CLIP1: variants seen among roughly 807,000 people sequenced by gnomAD.
CLIP1 encodes the protein CAP-Gly domain containing linker protein 1.
A neutral mutation model predicts 161.6 loss-of-function variants in CLIP1; 66 were observed. The observed-to-expected ratio is 0.41, with a 90% CI of 0.33 to 0.50. CLIP1 has a LOEUF of 0.50. CLIP1 is among the 20% of genes least tolerant of loss of function. CLIP1 has a pLI of 0.27. For missense variants in CLIP1, 1,376 were observed against 1,702.0 expected, an observed-to-expected ratio of 0.81 and a Z score of 3.37; for synonymous variants, 598 against 626.2, an observed-to-expected ratio of 0.96 and a Z score of 0.67.
intron 5 of CLIP1, among the ~76,000 whole-genome samples, chr12:122,358,401 TCCCCCTCTGCGAGAAACACCCAAG>T (rs1953603063): frequency 9.0e-6 from 1 of 110,792 alleles, no homozygotes; most frequent in Non-Finnish European, 1.8e-5. Flanking sequence ...CCCTGCCAAA[TCCCCCTCTGCGAGAAACACCCAAG>T]AATGAACAAT....
At chr12:122,345,192 T>C (rs1339921164) in intron 10 of CLIP1, among the ~76,000 whole-genome samples, 1 of 151,816 alleles carries the variant, frequency 6.6e-6, no homozygotes, top group Non-Finnish European at 1.5e-5. Flanking sequence ...TTTTTTTTTT[T>C]GAAACAGGGT....
intron 24 of CLIP1, chr12:122,275,137 A>G (rs1375472068): frequency 6.6e-6 from 1 of 151,504 alleles, no homozygotes; most frequent in Non-Finnish European, 1.5e-5. Flanking sequence ...GGCATGAGCC[A>G]CTGTACCCAG....
chr12:122,328,397 G>A lies in CLIP1; in HGVS notation c.2897C>T (p.Thr966Ile). 1 of 1,607,700 alleles carries A rather than the reference G, an allele frequency of 6.2e-7. No individual in the cohort carries two copies. Among genetic ancestry groups the A allele is most frequent in the Non-Finnish European group, 8.5e-7 (1 of 1,177,750 alleles). The change falls in exon 16 of 26, where the codon ACA becomes ATA. Residue 966 changes from threonine to isoleucine, a missense_variant. Transcript: ENST00000620786. ...RDVEELQLKL[T>I]KANENASFLQ... ...AAAACTTGCATTTTCATTAGCCTTT[G>A]TAAGTTTTAGCTGTAATTCTTCTAC...
At chr12:122,374,628 G>C (rs1175326026) in intron 3 of CLIP1, among the ~76,000 whole-genome samples, 4 of 152,108 alleles carry the variant, frequency 2.6e-5, no homozygotes, top group Non-Finnish European at 5.9e-5. Context: ...TGGGCATGGT[G>C]GTGGGCGCCT....
chr12:122,390,676 A>G (rs1334944526), intron 1 of CLIP1, among the ~76,000 whole-genome samples: 2 of 151,772 alleles, frequency 1.3e-5, no homozygotes, highest in African/African-American at 4.8e-5. Context: ...ATATACCTAC[A>G]CATTAACCCC....
intron 3 of CLIP1, among the ~76,000 whole-genome samples, chr12:122,366,288 C>G (rs367654350): frequency 7.0e-6 from 1 of 143,366 alleles, no homozygotes; most frequent in South Asian, 2.2e-4. Flanking sequence ...GCCTAGGCGA[C>G]AGGGAGAGAC....
chr12:122,334,778 T>G, intron 12 of CLIP1, 73 bp from the exon 13 acceptor site: 1 of 913,348 alleles, frequency 1.1e-6, no homozygotes. Context: ...CTATCAATTA[T>G]AACTACGATA....
chr12:122,286,257 G>A (rs940169921), intron 21 of CLIP1, among the ~76,000 whole-genome samples: 1 of 151,960 alleles, frequency 6.6e-6, no homozygotes, highest in African/African-American at 2.4e-5. Flanking sequence ...AGTGGCTCAC[G>A]ACTGTAATCC....
At chr12:122,417,531 GA>G (rs1956798044) in intron 1 of CLIP1, among the ~76,000 whole-genome samples, 2 of 43,314 alleles carry the variant, frequency 4.6e-5, no homozygotes, top group African/African-American at 1.3e-4. Flanking sequence ...TTTTTTTTTT[GA>G]AACGGAGTCT....
chr12:122,275,644 GCACA>G (rs71082958), intron 24 of CLIP1: 18,766 of 147,582 alleles, frequency 0.13, 1,591 homozygotes, highest in Middle Eastern at 0.19. Flanking sequence ...ACACACACGC[GCACA>G]CACACACACA....
chr12:122,354,814 C>T, intron 6 of CLIP1: 2 of 575,600 alleles, frequency 3.5e-6, no homozygotes, highest in East Asian at 2.9e-5. Flanking sequence ...AATCCACAAA[C>T]AGCAGCTATA....
At chr12:122,327,594 G>A (rs1175997853) in intron 17 of CLIP1, among the ~76,000 whole-genome samples, 3 of 151,826 alleles carry the variant, frequency 2.0e-5, no homozygotes, top group Admixed American at 6.6e-5. Flanking sequence ...AAACCCTAGT[G>A]CAAGGCAGCA....
chr12:122,285,165 G>A (rs981258598), intron 21 of CLIP1, among the ~76,000 whole-genome samples: 1 of 151,148 alleles, frequency 6.6e-6, no homozygotes, highest in Non-Finnish European at 1.5e-5. Flanking sequence ...TCACTGGGTT[G>A]TTTTGAGATT....
At chr12:122,351,182 A>C (rs1459582019) in intron 8 of CLIP1, 39 bp from the exon 9 acceptor site, 39 of 1,273,704 alleles carry the variant, frequency 3.1e-5, no homozygotes, top group Non-Finnish European at 4.0e-5. Flanking sequence ...ACAACAACAA[A>C]AAAGAGATTC....
At chr12:122,349,743 A>C (rs1011980204) in intron 9 of CLIP1, among the ~76,000 whole-genome samples, 49 of 152,248 alleles carry the variant, frequency 3.2e-4, no homozygotes, top group African/African-American at 1.2e-3. Context: ...CGCACAGGAA[A>C]GGCAGGGGGG....
Position 122,329,045 on chromosome 12 carries a change from G to A in CLIP1, c.2868-619C>T, listed in dbSNP as rs148837804. Among the ~76,000 whole-genome samples, 574 of 152,216 alleles carry A rather than the reference G, an allele frequency of 3.8e-3. 2 individuals are homozygous for A. Among genetic ancestry groups the A allele is most frequent in the African/African-American group, 0.013 (549 of 41,526 alleles). Reference sequence around the variant, plus strand: ...GAAAAATAAACTTATTAAAGGAAACGAGACCAGGCAGTGGTGGCTTATGCC... The same window carrying A: ...GAAAAATAAACTTATTAAAGGAAACAAGACCAGGCAGTGGTGGCTTATGCC... On this transcript the variant is annotated intron_variant, in intron 15 of 25. Coordinates refer to ENST00000620786, the MANE Select transcript of CLIP1 (RefSeq NM_001247997.2).
chr12:122,366,771 G>T (rs1954193030), intron 3 of CLIP1, among the ~76,000 whole-genome samples: 1 of 152,118 alleles, frequency 6.6e-6, no homozygotes, highest in Non-Finnish European at 1.5e-5. Flanking sequence ...AACCAAGGAG[G>T]CAGAGGTTGC....
At chr12:122,407,449 C>G (rs1000177627) in intron 1 of CLIP1, among the ~76,000 whole-genome samples, 12 of 152,086 alleles carry the variant, frequency 7.9e-5, no homozygotes, top group African/African-American at 1.2e-4. Context: ...TGGTTCACAC[C>G]TGCAATCTCA....
chr12:122,404,695 A>G (rs1273105310), intron 1 of CLIP1, among the ~76,000 whole-genome samples: 1 of 141,588 alleles, frequency 7.1e-6, no homozygotes, highest in African/African-American at 2.6e-5. Flanking sequence ...GGATCCATCA[A>G]GACCATCCTG....
Sources: allele counts gnomAD v4.1 joint callset (sites outside exome capture counted in the v4.1 genomes callset), GRCh38; gene constraint gnomAD v4.1.1; transcripts MANE v1.5; gene names NCBI Gene and HGNC (gene_info 2026-07-23, HGNC 2026-07-21).